Variants in SCN7A observed in about 807,000 individuals in gnomAD.
The protein encoded by SCN7A is sodium channel protein type 7 subunit alpha.
A neutral mutation model predicts 155.2 loss-of-function variants in SCN7A; 138 were observed. The ratio of observed to expected loss-of-function variants is 0.89; its 90% CI spans 0.77 to 1.02. The LOEUF (loss-of-function observed/expected upper bound fraction) is 1.02. SCN7A is among the 50% of genes least tolerant of loss of function. SCN7A has a pLI of 0.00. For missense variants in SCN7A, 2,058 were observed against 1,986.6 expected (o/e 1.04, Z -0.68); for synonymous variants, 693 against 649.0 (o/e 1.07, Z -1.03).
At chr2:166,408,407 AT>A (rs1701122695) in intron 25 of SCN7A, among the ~76,000 whole-genome samples, 1 of 151,914 alleles carries the variant, frequency 6.6e-6, no homozygotes, top group African/African-American at 2.4e-5. Flanking sequence ...CTCTTCCATC[AT>A]TTTACAAATC....
At chr2:166,462,666 C>T in intron 9 of SCN7A, 136 bp from the exon 10 acceptor site, 1 of 691,054 alleles carries the variant, frequency 1.4e-6, no homozygotes, top group Non-Finnish European at 2.3e-6. Context: ...TGCTCCCAAA[C>T]AATTGCTTGC....
At chr2:166,423,463 G>T (rs1176417807) in intron 18 of SCN7A, 31 bp from the exon 19 acceptor site, 1 of 1,477,522 alleles carries the variant, frequency 6.8e-7, no homozygotes, top group Admixed American at 2.9e-5. Flanking sequence ...ATAAGGATTA[G>T]GTGTACAGGT....
At chr2:166,458,652 T>C (rs1007163591) in intron 10 of SCN7A, among the ~76,000 whole-genome samples, 17 of 152,292 alleles carry the variant, frequency 1.1e-4, no homozygotes, top group Admixed American at 2.6e-4. Context: ...TTTTACTGTA[T>C]CTTTTATATG....
At chr2:166,444,687 A>G in intron 13 of SCN7A, 75 bp downstream of exon 13, 1 of 798,596 alleles carries the variant, frequency 1.3e-6, no homozygotes, top group Non-Finnish European at 2.0e-6. Context: ...AATAATGGGA[A>G]TAATGATGAA....
intron 17 of SCN7A, among the ~76,000 whole-genome samples, chr2:166,428,302 C>A (rs1701665343): frequency 6.6e-6 from 1 of 151,878 alleles, no homozygotes; most frequent in African/African-American, 2.4e-5. Flanking sequence ...TGATATAATG[C>A]CTGAAAATTT....
Position 166,465,907 on chromosome 2 carries a change from T to C in SCN7A, c.745A>G (p.Ser249Gly), listed in dbSNP as rs1159507358. The stretch of plus-strand genomic sequence containing the variant: ...CCCATCCCAATTAGAGAAAATATGC[T>C]CAGAAAAAACAGAGTTAGGATAATG... ...GVIILTLFFL[S>G]IFSLIGMGLF... The change falls in exon 8 of 26, where the codon AGC becomes GGC. Residue 249 changes from serine to glycine, a missense_variant. Transcript: ENST00000643258. 4.3e-6 allele frequency: 7 copies of C among 1,613,784 alleles called. No individual in the cohort carries two copies. The highest frequency in any genetic ancestry group is 3.4e-6 in the Non-Finnish European group (4 of 1,179,816).
chr2:166,457,837 T>A (rs1021662508), intron 10 of SCN7A, among the ~76,000 whole-genome samples: 1 of 152,154 alleles, frequency 6.6e-6, no homozygotes, highest in Non-Finnish European at 1.5e-5. Flanking sequence ...TTTAACCTCA[T>A]TGATCAAAAG....
At chr2:166,409,259 G>T (rs1413458907) in intron 25 of SCN7A, among the ~76,000 whole-genome samples, 1 of 151,960 alleles carries the variant, frequency 6.6e-6, no homozygotes, top group Non-Finnish European at 1.5e-5. Flanking sequence ...CTCTAATGTT[G>T]TATAAGTTGT....
intron 9 of SCN7A, among the ~76,000 whole-genome samples, chr2:166,464,137 C>T (rs909689281): frequency 4.0e-5 from 6 of 148,940 alleles, no homozygotes; most frequent in Non-Finnish European, 5.9e-5. Flanking sequence ...CGTATATATA[C>T]GAATATATAC....
chr2:166,427,456 A>C (rs1421220739), intron 18 of SCN7A, among the ~76,000 whole-genome samples: 1 of 152,032 alleles, frequency 6.6e-6, no homozygotes, highest in Non-Finnish European at 1.5e-5. Flanking sequence ...CAAATCATTA[A>C]AATGTTTCAT....
rs1026424460 is a variant in SCN7A, at chr2:166,404,497, T to C, written c.*1083A>G. ...TAAACTTTTATCTCCTAATTCATAG[T>C]TCTCATAGTTTGAGTGACCATTGTC... On this transcript the variant is annotated 3_prime_UTR_variant, in exon 26 of 26. Transcript: ENST00000643258. The C allele has an allele frequency of 3.3e-5, 5 of 151,828 alleles. No homozygotes were observed. Among genetic ancestry groups the C allele is most frequent in the African/African-American group, 1.2e-4 (5 of 41,374 alleles). The allele number at this position is 151,828 out of a possible 1,614,324, so 9.4% of individuals were successfully genotyped here.
chr2:166,476,890 T>A (rs551797770), intron 3 of SCN7A, among the ~76,000 whole-genome samples: 1 of 152,188 alleles, frequency 6.6e-6, no homozygotes, highest in African/African-American at 2.4e-5. Flanking sequence ...TCTTTCAGCT[T>A]CATTGGTTCA....
At chr2:166,413,193 G>C (rs542758531) in intron 21 of SCN7A, 72 bp from the exon 22 acceptor site, 28 of 844,880 alleles carry the variant, frequency 3.3e-5, no homozygotes, top group South Asian at 2.4e-4. Context: ...TCTCTTATTA[G>C]TGCACTGAAA....
intron 16 of SCN7A, among the ~76,000 whole-genome samples, chr2:166,430,175 CAA>C (rs371909155): frequency 0.013 from 1,927 of 151,742 alleles, 48 homozygotes; most frequent in African/African-American, 0.045. Context: ...GGTAGACGGC[CAA>C]AAAACCAGAG....
intron 11 of SCN7A, among the ~76,000 whole-genome samples, chr2:166,449,363 C>T (rs558059044): frequency 6.6e-6 from 1 of 151,980 alleles, no homozygotes; most frequent in African/African-American, 2.4e-5. Flanking sequence ...TGCCACTGTC[C>T]CAGCACTGAG....
At position 166,443,504 on chromosome 2, in the gene SCN7A, A is replaced by G; in HGVS notation, c.1799T>C (p.Met600Thr). 1 of 1,589,816 alleles carries G rather than the reference A, an allele frequency of 6.3e-7. No homozygotes were observed. Among genetic ancestry groups the G allele is most frequent in the Non-Finnish European group, 8.6e-7 (1 of 1,168,306 alleles). Residue 600 changes from methionine to threonine, a missense_variant and splice_region_variant, in exon 14 of 26, where the codon ATG (methionine) becomes ACG (threonine). Transcript: ENST00000643258. ...AGMALLRLFR[M>T]LRIFKLGKYW... ...AGTTAGGTATTGGATTCTACTTACC[A>G]TCCTGAATAATCGAAGAAGAGCCAT...
At chr2:166,432,264 T>C in intron 16 of SCN7A, 54 bp downstream of exon 16, 1 of 1,426,782 alleles carries the variant, frequency 7.0e-7, no homozygotes, top group South Asian at 1.4e-5. Flanking sequence ...TTTACTTCCT[T>C]ATCAACAATA....
intron 10 of SCN7A, among the ~76,000 whole-genome samples, chr2:166,461,090 T>C (rs1702398058): frequency 6.8e-6 from 1 of 147,258 alleles, no homozygotes; most frequent in Admixed American, 6.8e-5. Context: ...AATACAATTA[T>C]GCTGCATGCA....
chr2:166,486,259 A>G (rs1379057457), intron 2 of SCN7A, among the ~76,000 whole-genome samples: 2 of 152,188 alleles, frequency 1.3e-5, no homozygotes, highest in Non-Finnish European at 2.9e-5. Context: ...CAGTGGAACT[A>G]AGCTCATAGA....
Sources: gnomAD v4.1 joint callset for allele counts (sites outside exome capture counted in the v4.1 genomes callset) on GRCh38, gnomAD v4.1.1 for gene constraint, MANE v1.5 for transcripts, NCBI Gene and HGNC (gene_info 2026-07-23, HGNC 2026-07-21) for gene names.